The following HEMK2 variants were observed in gnomAD, a reference collection of about 807,000 sequenced individuals.
HEMK2 encodes HemK methyltransferase 2, ETF1 glutamine and histone H4 lysine.
the HEMK2 span, among the ~76,000 whole-genome samples, chr21:28,651,892 C>A: frequency 6.6e-6 from 1 of 152,122 alleles, no homozygotes; most frequent in Non-Finnish European, 1.5e-5. Flanking sequence ...AGTAAGACAA[C>A]TTGTTCAAAT....
chr21:28,589,121 T>C, the HEMK2 span, among the ~76,000 whole-genome samples: 1 of 152,130 alleles, frequency 6.6e-6, no homozygotes, highest in Non-Finnish European at 1.5e-5. Flanking sequence ...CAAAACATTA[T>C]AGTTGATAAA....
the HEMK2 span, among the ~76,000 whole-genome samples, chr21:28,846,324 T>C: frequency 2.0e-5 from 3 of 152,346 alleles, no homozygotes; most frequent in African/African-American, 4.8e-5. Context: ...AGTAATGGGA[T>C]TGCTGGGTCA....
the HEMK2 span, among the ~76,000 whole-genome samples, chr21:28,681,806 T>A: frequency 3.3e-5 from 5 of 152,196 alleles, no homozygotes; most frequent in African/African-American, 1.2e-4. Flanking sequence ...GGGGAAATGA[T>A]TCCCTATTTA....
the HEMK2 span, among the ~76,000 whole-genome samples, chr21:28,581,081 A>G: frequency 1.3e-5 from 2 of 152,140 alleles, no homozygotes; most frequent in Non-Finnish European, 2.9e-5. Context: ...TTGTCCCTTA[A>G]TACCAAAAAT....
the HEMK2 span, among the ~76,000 whole-genome samples, chr21:28,643,633 G>A: frequency 2.0e-5 from 3 of 152,164 alleles, no homozygotes; most frequent in African/African-American, 7.2e-5. Flanking sequence ...AGACAGGACT[G>A]CAGCACTGCA....
the HEMK2 span, among the ~76,000 whole-genome samples, chr21:28,636,200 C>T: frequency 3.3e-5 from 5 of 152,256 alleles, no homozygotes; most frequent in East Asian, 1.9e-4. Flanking sequence ...AAATACCCCA[C>T]TAATAATGGT....
At chr21:28,785,982 A>T in the HEMK2 span, among the ~76,000 whole-genome samples, 2 of 152,236 alleles carry the variant, frequency 1.3e-5, no homozygotes, top group East Asian at 3.8e-4. Flanking sequence ...TTCCTTGTTC[A>T]CACTTTCCTT....
At chr21:28,636,779 C>T in the HEMK2 span, among the ~76,000 whole-genome samples, 1 of 152,184 alleles carries the variant, frequency 6.6e-6, no homozygotes. Flanking sequence ...CTGTGATGCT[C>T]GATCCAAACA....
the HEMK2 span, among the ~76,000 whole-genome samples, chr21:28,790,144 A>C: frequency 6.6e-6 from 1 of 152,206 alleles, no homozygotes. Context: ...GAATTTTGGT[A>C]ATTTGAAGCA....
At chr21:28,785,215 G>C in the HEMK2 span, among the ~76,000 whole-genome samples, 23 of 152,204 alleles carry the variant, frequency 1.5e-4, no homozygotes, top group Admixed American at 1.5e-3. Flanking sequence ...TCACCGCAAG[G>C]GTCCGCGGCT....
the HEMK2 span, among the ~76,000 whole-genome samples, chr21:28,822,179 G>C: frequency 3.3e-3 from 510 of 152,262 alleles, 2 homozygotes; most frequent in Middle Eastern, 0.017. Context: ...TTGACTTGTA[G>C]TGGAGCCAAT....
chr21:28,839,877 A>G, the HEMK2 span, among the ~76,000 whole-genome samples: 1 of 152,162 alleles, frequency 6.6e-6, no homozygotes, highest in Non-Finnish European at 1.5e-5. Context: ...TCCAAAATTC[A>G]TACAGAACGA....
the HEMK2 span, among the ~76,000 whole-genome samples, chr21:28,672,244 T>A: frequency 1.3e-5 from 2 of 152,122 alleles, no homozygotes; most frequent in Non-Finnish European, 2.9e-5. Flanking sequence ...TCTCTGTCTC[T>A]TTCTCACCCT....
chr21:28,718,543 G>T, the HEMK2 span, among the ~76,000 whole-genome samples: 1 of 151,976 alleles, frequency 6.6e-6, no homozygotes, highest in African/African-American at 2.4e-5. Flanking sequence ...AACTATTACT[G>T]TGTGGCTAAG....
the HEMK2 span, among the ~76,000 whole-genome samples, chr21:28,795,248 C>T: frequency 1.1e-3 from 166 of 152,136 alleles, no homozygotes; most frequent in African/African-American, 3.7e-3. Flanking sequence ...AAAGTAATAT[C>T]AATTTTCTTT....
At chr21:28,876,286 A>T in the HEMK2 span, 2 of 795,224 alleles carry the variant, frequency 2.5e-6, no homozygotes, top group Non-Finnish European at 3.9e-6. Context: ...TTTTAATGAC[A>T]AATTTCTGAT....
the HEMK2 span, among the ~76,000 whole-genome samples, chr21:28,856,538 A>G: frequency 1.3e-5 from 2 of 152,186 alleles, no homozygotes; most frequent in South Asian, 4.1e-4. Flanking sequence ...CACCTCTCAC[A>G]GAGAAGAATG....
the HEMK2 span, among the ~76,000 whole-genome samples, chr21:28,683,499 G>T: frequency 6.6e-6 from 1 of 152,144 alleles, no homozygotes; most frequent in Non-Finnish European, 1.5e-5. Flanking sequence ...CAAAGAGCCA[G>T]TATCTCGAGA....
chr21:28,751,976 G>GA, the HEMK2 span, among the ~76,000 whole-genome samples: 786 of 142,570 alleles, frequency 5.5e-3, 6 homozygotes, highest in African/African-American at 0.019. Flanking sequence ...TTTAAGAAAA[G>GA]AAAAAAAAAA....
Sources: allele counts gnomAD v4.1 joint callset (sites outside exome capture counted in the v4.1 genomes callset), GRCh38; gene constraint gnomAD v4.1.1; transcripts MANE v1.5; gene names NCBI Gene and HGNC (gene_info 2026-07-23, HGNC 2026-07-21).